The following NLGN3 variants were observed in gnomAD, a reference collection of about 807,000 sequenced individuals.
NLGN3 encodes neuroligin-3.
NLGN3 carries 11 observed loss-of-function variants against 42.9 expected under a neutral mutation model. That is an observed-to-expected ratio of 0.26 (90% CI 0.16 to 0.42). The LOEUF (loss-of-function observed/expected upper bound fraction) is 0.42, where lower values mean the gene tolerates loss of function less well. Among genes scored for constraint, NLGN3 ranks in the 10% least tolerant of loss-of-function variants. NLGN3 has a pLI of 1.00. For synonymous variants in NLGN3, 279 were observed against 312.7 expected (o/e 0.89, Z 1.14); for missense variants, 374 against 733.8 (o/e 0.51, Z 5.67).
At chrX:71,151,521 G>T (rs1313940346) in intron 3 of NLGN3, among the ~76,000 whole-genome samples, 1 of 111,840 alleles carries the variant, frequency 8.9e-6, no homozygotes, top group Non-Finnish European at 1.9e-5. Flanking sequence ...GGTGTGCAGA[G>T]GTCTGGGGAC....
intron 2 of NLGN3, among the ~76,000 whole-genome samples, chrX:71,148,431 C>CCGGCCTGAGAGCTCTGA (rs2092379153): frequency 9.1e-6 from 1 of 109,544 alleles, no homozygotes. Flanking sequence ...GGGGCCTGGC[C>CCGGCCTGAGAGCTCTGA]CGGCCTGAGA....
chrX:71,162,639 A>C (rs1479870145), intron 5 of NLGN3, among the ~76,000 whole-genome samples: 3 of 112,361 alleles, frequency 2.7e-5, no homozygotes, highest in Non-Finnish European at 5.6e-5. Flanking sequence ...TACATACTTA[A>C]TTGTACCAGA....
chrX:71,159,649 T>C (rs766539531), intron 5 of NLGN3, among the ~76,000 whole-genome samples: 144 of 111,390 alleles, frequency 1.3e-3, no homozygotes, highest in African/African-American at 4.4e-3. Context: ...GCCGGGTACA[T>C]ATAAGATGTT....
Position 71,171,081 on chromosome X carries a change from T to G in NLGN3, c.*984T>G. 1 of 747,760 alleles carries G rather than the reference T, an allele frequency of 1.3e-6. No homozygotes were observed. The highest frequency in any genetic ancestry group is 1.6e-6 in the Non-Finnish European group (1 of 633,646). The allele number at this position is 747,760 out of a possible 1,213,427, so 61.6% of individuals were successfully genotyped here. A position where few individuals can be genotyped will look rare whatever the true frequency, so the allele number is the denominator to read the frequency against. Reference sequence around the variant, plus strand: ...CGGTGTTTTTTGTTGTTGTTGGTTTTTTTTTTTTTTTAAAGAAAAGTTCTT... The same window carrying G: ...CGGTGTTTTTTGTTGTTGTTGGTTTGTTTTTTTTTTTAAAGAAAAGTTCTT... On this transcript the variant is annotated 3_prime_UTR_variant, in exon 8 of 8. Coordinates refer to ENST00000358741, the MANE Select transcript of NLGN3 (RefSeq NM_181303.2).
intron 6 of NLGN3, among the ~76,000 whole-genome samples, chrX:71,164,775 A>G (rs1295768900): frequency 9.0e-6 from 1 of 111,486 alleles, no homozygotes; most frequent in East Asian, 2.8e-4. Flanking sequence ...GAAACATCCT[A>G]GAGGGGGAAG....
At chrX:71,157,417 G>A (rs930694931) in intron 5 of NLGN3, among the ~76,000 whole-genome samples, 16 of 110,038 alleles carry the variant, frequency 1.5e-4, no homozygotes, top group African/African-American at 4.3e-4. Context: ...TCCGCCTCCC[G>A]GGTTCAACTG....
chrX:71,147,770 G>A lies in NLGN3; in HGVS notation c.21G>A (p.Pro7=), dbSNP rs372993497. 180 of 1,205,573 alleles carry A rather than the reference G, an allele frequency of 1.5e-4. No homozygotes were observed. The highest frequency in any genetic ancestry group is 1.8e-4 in the South Asian group (10 of 56,202). MWLRLG[P]PSLSLSPKPT... ...GGAACATGTGGCTGCGGCTTGGCCC[G>A]CCCTCGCTGTCCCTGAGCCCCAAGC... Residue 7 remains proline (P), a synonymous_variant, in exon 2 of 8, where the codon CCG becomes CCA. Transcript: ENST00000358741.
At chrX:71,158,793 G>C (rs1430376547) in intron 5 of NLGN3, among the ~76,000 whole-genome samples, 1 of 111,832 alleles carries the variant, frequency 8.9e-6, no homozygotes, top group South Asian at 3.7e-4. Flanking sequence ...CACAGTGTCA[G>C]TTGGGAACTG....
intron 5 of NLGN3, among the ~76,000 whole-genome samples, chrX:71,158,766 G>A (rs776534869): frequency 2.6e-4 from 29 of 111,622 alleles, no homozygotes; most frequent in African/African-American, 9.1e-4. Flanking sequence ...GGCATTTCAC[G>A]TAGGATGTGA....
intron 3 of NLGN3, among the ~76,000 whole-genome samples, chrX:71,150,405 T>C (rs1486807706): frequency 6.3e-5 from 7 of 111,698 alleles, no homozygotes; most frequent in Non-Finnish European, 1.1e-4. Flanking sequence ...GAAGGTCTCT[T>C]AAACCTGCAG....
At chrX:71,166,457 CA>C (rs5902684) in intron 6 of NLGN3, among the ~76,000 whole-genome samples, 21,384 of 82,109 alleles carry the variant, frequency 0.26, 3,297 homozygotes, top group African/African-American at 0.52. Flanking sequence ...ACTCCATCTC[CA>C]AAAAAAAAAA....
chrX:71,171,290 C>A (rs1200164834), downstream of NLGN3: 5 of 578,465 alleles, frequency 8.6e-6, no homozygotes, highest in East Asian at 5.5e-4. Context: ...GCAGCCTCCC[C>A]CTGCCTCCTG....
intron 5 of NLGN3, 147 bp downstream of exon 5, chrX:71,155,510 C>T: frequency 1.4e-6 from 1 of 739,229 alleles, no homozygotes. Flanking sequence ...CTGGCCCCTA[C>T]CCAAATGCTA....
chrX:71,169,127 C>G, intron 7 of NLGN3, 127 bp from the exon 8 acceptor site: 4 of 787,553 alleles, frequency 5.1e-6, no homozygotes, highest in Non-Finnish European at 5.6e-6. Flanking sequence ...AGCAGGGGAC[C>G]CTGAAAAAGA....
chrX:71,170,539 A>G lies in NLGN3; in HGVS notation c.*442A>G. 1 of 798,634 alleles carries G rather than the reference A, an allele frequency of 1.3e-6. No individual in the cohort carries two copies. The highest frequency in any genetic ancestry group is 1.5e-6 in the Non-Finnish European group (1 of 667,556). The allele number at this position is 798,634 out of a possible 1,213,427, so 65.8% of individuals were successfully genotyped here. On this transcript the variant is annotated 3_prime_UTR_variant, in exon 8 of 8. Coordinates refer to ENST00000358741, the MANE Select transcript of NLGN3 (RefSeq NM_181303.2). ...AGCAGGATAGCTCTTCCTCCCCAGGACTTGGTCTTTTTTCTGGGTCTTGTT... is the reference window on the plus strand; with the variant it reads ...AGCAGGATAGCTCTTCCTCCCCAGGGCTTGGTCTTTTTTCTGGGTCTTGTT...
chrX:71,153,396 T>G (rs2092397569), intron 3 of NLGN3, 81 bp from the exon 4 acceptor site: 16 of 1,013,908 alleles, frequency 1.6e-5, no homozygotes, highest in Non-Finnish European at 2.2e-5. Context: ...TGGGCCACAC[T>G]GCAGTCATGC....
intron 4 of NLGN3, among the ~76,000 whole-genome samples, chrX:71,154,155 A>AGAT (rs1299094747): frequency 8.8e-5 from 10 of 113,219 alleles, no homozygotes; most frequent in Non-Finnish European, 1.7e-4. Flanking sequence ...AGGACACCAC[A>AGAT]GCCATCAATA....
chrX:71,165,222 C>T (rs932521689), intron 6 of NLGN3, among the ~76,000 whole-genome samples: 1 of 111,838 alleles, frequency 8.9e-6, no homozygotes, highest in Non-Finnish European at 1.9e-5. Flanking sequence ...GAAGAACCAC[C>T]TTCTTTGACC....
intron 4 of NLGN3, among the ~76,000 whole-genome samples, chrX:71,154,716 C>T (rs753187961): frequency 3.6e-5 from 4 of 111,828 alleles, no homozygotes; most frequent in Non-Finnish European, 7.5e-5. Flanking sequence ...CCCCTTATTC[C>T]CACACCTCTT....
Sources: gnomAD v4.1 joint callset for allele counts (sites outside exome capture counted in the v4.1 genomes callset) on GRCh38, gnomAD v4.1.1 for gene constraint, MANE v1.5 for transcripts, NCBI Gene and HGNC (gene_info 2026-07-23, HGNC 2026-07-21) for gene names.